The following NOL4 variants were observed in gnomAD, a reference collection of about 807,000 sequenced individuals.
The protein encoded by NOL4 is cancer/testis antigen 125.
In NOL4, 17 loss-of-function variants were observed where a neutral mutation model predicts 75.9. The observed-to-expected ratio is 0.22, with a 90% CI of 0.15 to 0.34. The LOEUF (loss-of-function observed/expected upper bound fraction) is 0.34. Ranked by LOEUF, NOL4 falls within the 10% of genes least tolerant of loss-of-function variation. The probability of loss-of-function intolerance (pLI) is 1.00; values close to 1 mark genes in which losing one functional copy is unlikely to be tolerated. For synonymous variants in NOL4, 292 were observed against 289.9 expected (o/e 1.01, Z -0.07); for missense variants, 614 against 793.5 (o/e 0.77, Z 2.72).
At chr18:34,073,229 G>C (rs1256326241) in intron 5 of NOL4, among the ~76,000 whole-genome samples, 1 of 152,004 alleles carries the variant, frequency 6.6e-6, no homozygotes, top group Non-Finnish European at 1.5e-5. Context: ...TATCAGGAAT[G>C]AAAGGTGATA....
In NOL4 at chr18:33,855,725, C is replaced by T. The variant is rs569173341; in HGVS notation, c.1724-2690G>A. ...AAAAATTAAGCTCCACACACCAAAACGAATTATTGATTCATTTTTTGAGGT... is the reference window on the plus strand; with the variant it reads ...AAAAATTAAGCTCCACACACCAAAATGAATTATTGATTCATTTTTTGAGGT... On this transcript the variant is annotated intron_variant, in intron 10 of 10. Coordinates refer to ENST00000261592, the MANE Select transcript of NOL4 (RefSeq NM_003787.5). 3.3e-5 allele frequency among the ~76,000 whole-genome samples: 5 copies of T among 152,012 alleles called. No individual in the cohort carries two copies. In the South Asian group the frequency reaches 6.2e-4, roughly 19 times the overall value.
chr18:34,026,550 C>G (rs2075352869), intron 5 of NOL4, among the ~76,000 whole-genome samples: 1 of 152,062 alleles, frequency 6.6e-6, no homozygotes, highest in Admixed American at 6.6e-5. Flanking sequence ...TAAATAGTGC[C>G]TAGTGTTAAA....
chr18:33,878,320 T>C (rs1454102825), intron 10 of NOL4, among the ~76,000 whole-genome samples: 1 of 152,084 alleles, frequency 6.6e-6, no homozygotes. Flanking sequence ...TTTTCCTTAT[T>C]TGTATACGTT....
chr18:33,918,135 A>C (rs1212798841), intron 9 of NOL4, among the ~76,000 whole-genome samples: 1 of 152,192 alleles, frequency 6.6e-6, no homozygotes, highest in African/African-American at 2.4e-5. Flanking sequence ...TCCCCTCAGG[A>C]CTTGTCAGGA....
chr18:34,097,170 C>T (rs1345775911), intron 4 of NOL4, among the ~76,000 whole-genome samples: 2 of 152,152 alleles, frequency 1.3e-5, no homozygotes, highest in African/African-American at 4.8e-5. Context: ...ATTTGCAGCC[C>T]TATCCATTGT....
At chr18:34,057,036 T>C (rs915586364) in intron 5 of NOL4, among the ~76,000 whole-genome samples, 5 of 152,224 alleles carry the variant, frequency 3.3e-5, no homozygotes, top group African/African-American at 1.2e-4. Context: ...GTTTCTTCTC[T>C]AGCTTCAGGC....
chr18:34,160,611 T>C (rs1196927156), intron 1 of NOL4, among the ~76,000 whole-genome samples: 1 of 152,146 alleles, frequency 6.6e-6, no homozygotes, highest in Non-Finnish European at 1.5e-5. Flanking sequence ...TTGAAGAAAG[T>C]TTTAAATGAA....
intron 1 of NOL4, among the ~76,000 whole-genome samples, chr18:34,190,156 C>T: frequency 6.6e-6 from 1 of 151,544 alleles, no homozygotes; most frequent in Non-Finnish European, 1.5e-5. Flanking sequence ...TCTGTTTTGG[C>T]AGGAATTCAG....
chr18:34,096,672 T>C (rs1350793507), intron 4 of NOL4, among the ~76,000 whole-genome samples: 1 of 152,170 alleles, frequency 6.6e-6, no homozygotes, highest in Non-Finnish European at 1.5e-5. Context: ...TCATACTGTG[T>C]GAGCTTATTT....
intron 5 of NOL4, among the ~76,000 whole-genome samples, chr18:34,031,755 C>A (rs2075649232): frequency 6.6e-6 from 1 of 152,232 alleles, no homozygotes; most frequent in Non-Finnish European, 1.5e-5. Context: ...CCAAGAGAGA[C>A]TCCTCAATAC....
intron 6 of NOL4, among the ~76,000 whole-genome samples, chr18:33,973,603 A>C (rs1319464634): frequency 6.6e-6 from 1 of 152,232 alleles, no homozygotes; most frequent in Non-Finnish European, 1.5e-5. Flanking sequence ...ATAAGACTTG[A>C]AAGTCAAAAT....
At chr18:34,006,379 C>G (rs574219622) in intron 6 of NOL4, among the ~76,000 whole-genome samples, 3 of 151,962 alleles carry the variant, frequency 2.0e-5, no homozygotes, top group Non-Finnish European at 2.9e-5. Flanking sequence ...AATTGGTAAA[C>G]AGAGTAAAAA....
At chr18:34,125,459 T>C (rs533770515) in intron 2 of NOL4, among the ~76,000 whole-genome samples, 15 of 152,156 alleles carry the variant, frequency 9.9e-5, no homozygotes, top group Non-Finnish European at 2.1e-4. Flanking sequence ...ATTAGTCCCA[T>C]TATAAGTTGA....
intron 1 of NOL4, among the ~76,000 whole-genome samples, chr18:34,161,258 T>C (rs1276900830): frequency 1.3e-5 from 2 of 152,194 alleles, no homozygotes; most frequent in Non-Finnish European, 1.5e-5. Context: ...CTATTGTGCA[T>C]AGTGCTCCAA....
intron 6 of NOL4, among the ~76,000 whole-genome samples, chr18:33,979,772 A>G (rs560939243): frequency 2.0e-5 from 3 of 152,070 alleles, no homozygotes; most frequent in Non-Finnish European, 4.4e-5. Flanking sequence ...TTTGCCAAAA[A>G]ATTAGTTTGC....
intron 1 of NOL4, among the ~76,000 whole-genome samples, chr18:34,172,965 G>A (rs545345839): frequency 6.6e-6 from 1 of 152,076 alleles, no homozygotes; most frequent in East Asian, 1.9e-4. Context: ...GTCTTTCAAT[G>A]TTGTTGAATT....
At chr18:33,987,453 A>G (rs2146062390) in intron 6 of NOL4, among the ~76,000 whole-genome samples, 1 of 152,210 alleles carries the variant, frequency 6.6e-6, no homozygotes, top group African/African-American at 2.4e-5. Flanking sequence ...ACTAAGTAGG[A>G]GCTCAGAACT....
At chr18:34,001,180 C>A (rs1053221789) in intron 6 of NOL4, among the ~76,000 whole-genome samples, 3 of 152,070 alleles carry the variant, frequency 2.0e-5, no homozygotes, top group Non-Finnish European at 2.9e-5. Context: ...AAAGCATAAT[C>A]ATTTTTAGTA....
chr18:33,910,652 C>T (rs970110942), intron 9 of NOL4, among the ~76,000 whole-genome samples: 9 of 152,068 alleles, frequency 5.9e-5, no homozygotes, highest in African/African-American at 2.2e-4. Context: ...ATTAATATCT[C>T]TCTCCTGCTG....
Sources: gnomAD v4.1 joint callset for allele counts (sites outside exome capture counted in the v4.1 genomes callset) on GRCh38, gnomAD v4.1.1 for gene constraint, MANE v1.5 for transcripts, NCBI Gene and HGNC (gene_info 2026-07-23, HGNC 2026-07-21) for gene names.